Variants in DTX3L observed in about 807,000 individuals in gnomAD.
DTX3L encodes the protein deltex E3 ubiquitin ligase 3L, also known as E3 ubiquitin-protein ligase DTX3L.
DTX3L carries 34 observed loss-of-function variants against 60.9 expected under a neutral mutation model. The observed-to-expected ratio is 0.56, with a 90% CI of 0.42 to 0.74. The LOEUF (loss-of-function observed/expected upper bound fraction) is 0.74, where lower values mean the gene tolerates loss of function less well. DTX3L is among the 30% of genes least tolerant of loss of function. The pLI is 0.00. For missense variants in DTX3L, 810 were observed against 874.0 expected, an observed-to-expected ratio of 0.93 and a Z score of 0.92; for synonymous variants, 290 against 316.6, an observed-to-expected ratio of 0.92 and a Z score of 0.89.
chr3:122,571,400 C>G (rs1388957403), intron 4 of DTX3L, among the ~76,000 whole-genome samples: 1 of 152,126 alleles, frequency 6.6e-6, no homozygotes, highest in Non-Finnish European at 1.5e-5. Flanking sequence ...AACCCCCTGC[C>G]CTTTGATGCG....
rs779212382 is a variant in DTX3L, at chr3:122,569,278, T to C, written c.1189T>C (p.Ser397Pro). 12 of 1,614,058 alleles carry C rather than the reference T, an allele frequency of 7.4e-6. No homozygotes were observed. The Admixed American group carries it at 1.8e-4, about 25-fold the overall frequency. Residue 397 changes from serine to proline, a missense_variant, in exon 3 of 5, where the codon TCA becomes CCA. Coordinates refer to ENST00000296161, the MANE Select transcript of DTX3L (RefSeq NM_138287.3). ...AGAAACTGAATTACTACAGGAGATA[T>C]CAGAGATCGAAAAAAGGTATGACAT... ...LLETELLQEI[S>P]EIEKRYDICS... is the part of the protein sequence containing the mutation.
chr3:122,569,852 A>G lies in DTX3L; in HGVS notation c.1763A>G (p.Lys588Arg). The G allele has an allele frequency of 6.2e-7, 1 of 1,614,174 alleles. No individual in the cohort carries two copies. Among genetic ancestry groups the G allele is most frequent in the Non-Finnish European group, 8.5e-7 (1 of 1,180,036 alleles). Residue 588 changes from lysine to arginine, a missense_variant, in exon 3 of 5, where the codon AAA (lysine) becomes AGA (arginine). Physicochemically the swap from Lys to Arg is conservative, Grantham distance 26. Coordinates refer to ENST00000296161, the MANE Select transcript of DTX3L (RefSeq NM_138287.3). ...GAATTCTGCGCCCCTTGTATCAACAAAGCCATGTCATATAAGCCAATCTGT... is the reference window on the plus strand; with the variant it reads ...GAATTCTGCGCCCCTTGTATCAACAGAGCCATGTCATATAAGCCAATCTGT... ...KHEFCAPCINKAMSYKPICPT... is the reference protein window; with the variant it reads ...KHEFCAPCINRAMSYKPICPT...
At position 122,565,845 on chromosome 3, in the gene DTX3L, T is replaced by C. The variant is rs2080575241; in HGVS notation, c.188-14T>C. On this transcript the variant is annotated splice_polypyrimidine_tract_variant and intron_variant, in intron 1 of 4. Coordinates refer to ENST00000296161, the MANE Select transcript of DTX3L (RefSeq NM_138287.3). ...TATGTGTGTATATGTGTGTGTTTAA[T>C]GTCTCCACTGAAGCTAAGGAGAGAG... 1 of 1,612,768 alleles carries C rather than the reference T, an allele frequency of 6.2e-7. No individual in the cohort carries two copies. Among genetic ancestry groups the C allele is most frequent in the African/African-American group, 1.3e-5 (1 of 74,998 alleles).
rs754085092 is a variant in DTX3L at position 122,570,588 on chromosome 3, G to A, written c.2069G>A (p.Gly690Glu). Reference protein sequence around the residue: ...AFDQKLIFTVGYSRVLGVSDV... With the variant: ...AFDQKLIFTVEYSRVLGVSDV... Reference sequence around the variant, plus strand: ...GACCAAAAGCTGATTTTTACAGTGGGGTACTCTCGCGTATTAGGAGTCTCA... The same window carrying A: ...GACCAAAAGCTGATTTTTACAGTGGAGTACTCTCGCGTATTAGGAGTCTCA... Residue 690 changes from glycine to glutamate, a missense_variant, in exon 4 of 5, where the codon GGG becomes GAG. Coordinates refer to ENST00000296161, the MANE Select transcript of DTX3L (RefSeq NM_138287.3). 1.2e-6 allele frequency: 2 copies of A among 1,613,952 alleles called. No individual in the cohort carries two copies. Among genetic ancestry groups the A allele is most frequent in the African/African-American group, 1.3e-5 (1 of 74,886 alleles).
intron 1 of DTX3L, among the ~76,000 whole-genome samples, chr3:122,564,969 T>G (rs945515328): frequency 6.6e-6 from 1 of 152,224 alleles, no homozygotes; most frequent in Non-Finnish European, 1.5e-5. Context: ...AAATAATGGT[T>G]CCATTGTTCC....
rs191063500 is a variant in DTX3L at position 122,571,710 on chromosome 3, G to A, written c.2186G>A (p.Arg729His). Residue 729 changes from arginine (R) to histidine (H), a missense_variant, in exon 5 of 5, where the codon CGT becomes CAT. Coordinates refer to ENST00000296161, the MANE Select transcript of DTX3L (RefSeq NM_138287.3). ...TATCCTGATCCTTCTTACCTGAAAC[G>A]TGTCAAAGAGGAGCTGAAAGCCAAA... The part of the protein sequence containing the change: ...YGYPDPSYLK[R>H]VKEELKAKGI... 95 of 1,613,266 alleles carry A rather than the reference G, an allele frequency of 5.9e-5. No homozygotes were observed. In the East Asian group the frequency reaches 9.6e-4, roughly 16 times the overall value.
rs68028452 is a variant in DTX3L at position 122,566,371 on chromosome 3, CTT to C, written c.399+307_399+308del. On this transcript the variant is annotated intron_variant, in intron 2 of 4. Transcript: ENST00000296161. Reference sequence around the variant, plus strand: ...GGGGAAGATGGGGGTGGTGTTACTTCTTTTTTTCCCCCCAAGACAGAGTCTCA... The same window carrying C: ...GGGGAAGATGGGGGTGGTGTTACTTCTTTTTCCCCCCAAGACAGAGTCTCA... Among the ~76,000 whole-genome samples, 29 of 152,020 alleles carry C rather than the reference CTT, an allele frequency of 1.9e-4. No homozygotes were observed. The East Asian group carries it at 4.8e-3, about 25-fold the overall frequency.
chr3:122,570,721 A>T (rs764695347), intron 4 of DTX3L, 49 bp downstream of exon 4: 3 of 1,591,022 alleles, frequency 1.9e-6, no homozygotes, highest in Non-Finnish European at 2.6e-6. Context: ...TATAGGGATT[A>T]TGAAATACGG....
chr3:122,571,731 C>T lies in DTX3L; in HGVS notation c.2207C>T (p.Ala736Val), dbSNP rs1307839659. ...YLKRVKEELK[A>V]KGIE ...AAACGTGTCAAAGAGGAGCTGAAAG[C>T]CAAAGGAATTGAGTAAGACAACTGC... The change falls in exon 5 of 5, where the codon GCC (alanine) becomes GTC (valine). Residue 736 changes from alanine to valine, a missense_variant. Transcript: ENST00000296161. 1.2e-6 allele frequency: 2 copies of T among 1,612,974 alleles called. 1 individual carries two copies. Among genetic ancestry groups the T allele is most frequent in the South Asian group, 2.2e-5 (2 of 90,920 alleles).
In DTX3L at chr3:122,569,050, T is replaced by C; in HGVS notation, c.961T>C (p.Phe321Leu). 6.2e-7 allele frequency: 1 copy of C among 1,613,964 alleles called. No individual in the cohort carries two copies. Among genetic ancestry groups the C allele is most frequent in the Non-Finnish European group, 8.5e-7 (1 of 1,179,944 alleles). Residue 321 changes from phenylalanine to leucine, a missense_variant, in exon 3 of 5, where the codon TTC (phenylalanine) becomes CTC (leucine). Transcript: ENST00000296161. ...AGCAGACAGTAAGCAGGCAAATAAATTCAAACAGGAATTGAATCACCAGTT... is the reference window on the plus strand; with the variant it reads ...AGCAGACAGTAAGCAGGCAAATAAACTCAAACAGGAATTGAATCACCAGTT... ...SLADSKQANK[F>L]KQELNHQFTK... is the part of the protein sequence containing the mutation.
In DTX3L at chr3:122,568,475, T is replaced by C. The variant is rs775339321; in HGVS notation, c.400-14T>C. The C allele has an allele frequency of 2.5e-6, 4 of 1,578,504 alleles. No individual in the cohort carries two copies. In the East Asian group the frequency reaches 6.7e-5, roughly 27 times the overall value. ...GAGAGGTTTTATTTGTTCCTGTTCC[T>C]TTTAAAATTTCAGATCTTTCTTACT... On this transcript the variant is annotated splice_polypyrimidine_tract_variant and intron_variant, in intron 2 of 4. Transcript: ENST00000296161.
rs145471935 is a variant in DTX3L, at chr3:122,573,677, C to T, written c.*1930C>T. The stretch of plus-strand genomic sequence containing the variant: ...GAGCCTGAACTCTGACCAGGCCCCT[C>T]ACTTGAGCCTTTGCTTTCTGCTCCT... On this transcript the variant is annotated 3_prime_UTR_variant, in exon 5 of 5. Coordinates refer to ENST00000296161, the MANE Select transcript of DTX3L (RefSeq NM_138287.3). The T allele has an allele frequency of 0.011, 1,656 of 152,368 alleles. 15 individuals carry two copies. Among genetic ancestry groups the T allele is most frequent in the Admixed American group, 0.025 (389 of 15,296 alleles). The allele number at this position is 152,368 out of a possible 1,614,324, so 9.4% of individuals were successfully genotyped here.
At position 122,575,194 on chromosome 3, in the gene DTX3L, T is replaced by G. The variant is rs1263637142; in HGVS notation, c.*3447T>G. On this transcript the variant is annotated 3_prime_UTR_variant, in exon 5 of 5. Coordinates refer to ENST00000296161, the MANE Select transcript of DTX3L (RefSeq NM_138287.3). ...ATCTGCTTTAAATAAAGTTAAAGAT[T>G]TGGAACAAATTGTGTTCTTTCCCTT... 1 of 152,236 alleles carries G rather than the reference T, an allele frequency of 6.6e-6. No individual in the cohort carries two copies. The highest frequency in any genetic ancestry group is 1.5e-5 in the Non-Finnish European group (1 of 68,040). The allele number at this position is 152,236 out of a possible 1,614,324, so 9.4% of individuals were successfully genotyped here.
Position 122,572,844 on chromosome 3 carries a change from G to C in DTX3L, c.*1097G>C, listed in dbSNP as rs976045996. On this transcript the variant is annotated 3_prime_UTR_variant, in exon 5 of 5. Transcript: ENST00000296161. ...TCCTCCTGCCTTGGCCTCCCAAAGT[G>C]CTGGAATTACAGGCATGAGCCACCA... The C allele has an allele frequency of 2.0e-5, 3 of 151,832 alleles. No individual in the cohort carries two copies. Among genetic ancestry groups the C allele is most frequent in the Non-Finnish European group, 2.9e-5 (2 of 68,024 alleles). 9.4% of individuals were successfully genotyped at this position (151,832 alleles called of 1,614,324 possible).
Position 122,571,780 on chromosome 3 carries a change from T to G in DTX3L, c.*33T>G, listed in dbSNP as rs747595110. On this transcript the variant is annotated 3_prime_UTR_variant, in exon 5 of 5. Coordinates refer to ENST00000296161, the MANE Select transcript of DTX3L (RefSeq NM_138287.3). ...GCTGGAAGATGTCTTAAATCAAGCT[T>G]TCAAAAAAATATATTTTAGGAGGCT... 6.4e-7 allele frequency: 1 copy of G among 1,569,228 alleles called. No homozygotes were observed. The highest frequency in any genetic ancestry group is 1.4e-5 in the African/African-American group (1 of 73,310).
intron 2 of DTX3L, among the ~76,000 whole-genome samples, chr3:122,566,379 C>T (rs1348529009): frequency 6.6e-6 from 1 of 151,988 alleles, no homozygotes; most frequent in African/African-American, 2.4e-5. Flanking sequence ...TTCTTTTTTT[C>T]CCCCCAAGAC....
At position 122,569,575 on chromosome 3, in the gene DTX3L, C is replaced by T. The variant is rs750975680; in HGVS notation, c.1486C>T (p.Pro496Ser). The T allele has an allele frequency of 1.1e-5, 18 of 1,614,044 alleles. No homozygotes were observed. In the African/African-American group the frequency reaches 2.4e-4, roughly 22 times the overall value. Reference protein sequence around the residue: ...NQESMTLTGLPNHLAKAKQYV... With the variant: ...NQESMTLTGLSNHLAKAKQYV... ...AGAGTCAATGACTTTGACTGGTTTG[C>T]CAAATCACCTTGCAAAGGCGAAGCA... Residue 496 changes from proline to serine, a missense_variant, in exon 3 of 5, where the codon CCA (proline) becomes TCA (serine). Pro to Ser is a moderately conservative substitution (Grantham distance 74). Coordinates refer to ENST00000296161, the MANE Select transcript of DTX3L (RefSeq NM_138287.3).
At chr3:122,571,281 A>T (rs2080644206) in intron 4 of DTX3L, among the ~76,000 whole-genome samples, 1 of 152,226 alleles carries the variant, frequency 6.6e-6, no homozygotes, top group Non-Finnish European at 1.5e-5. Context: ...GTATATTATT[A>T]TATTTTTAGG....
At position 122,571,938 on chromosome 3, in the gene DTX3L, C is replaced by T. The variant is rs936103895; in HGVS notation, c.*191C>T. The stretch of plus-strand genomic sequence containing the variant: ...GATACTTTTTTTTTTGAGACGGAGT[C>T]TGCTCTGTCGCTCGCGCTGGAGTGC... On this transcript the variant is annotated 3_prime_UTR_variant, in exon 5 of 5. Transcript: ENST00000296161. 6.6e-6 allele frequency: 3 copies of T among 453,126 alleles called. No homozygotes were observed. Among genetic ancestry groups the T allele is most frequent in the Non-Finnish European group, 1.2e-5 (3 of 250,790 alleles). 28.1% of individuals were successfully genotyped at this position (453,126 alleles called of 1,614,324 possible). A position where few individuals can be genotyped will look rare whatever the true frequency, so the allele number is the denominator to read the frequency against.
Sources: allele counts gnomAD v4.1 joint callset (sites outside exome capture counted in the v4.1 genomes callset), GRCh38; gene constraint gnomAD v4.1.1; transcripts MANE v1.5; gene names NCBI Gene and HGNC (gene_info 2026-07-23, HGNC 2026-07-21).